Variants in NAV2 observed in about 807,000 individuals in gnomAD.
The protein encoded by NAV2 is helicase, APC down-regulated 1.
Under a neutral mutation model 223.2 loss-of-function variants are expected in NAV2, and 54 were observed. The observed-to-expected ratio is 0.24, with a 90% CI of 0.19 to 0.30. The LOEUF (loss-of-function observed/expected upper bound fraction) is 0.30. Ranked by LOEUF, NAV2 falls within the 10% of genes least tolerant of loss-of-function variation. The probability of loss-of-function intolerance (pLI) is 1.00; values close to 1 mark genes in which losing one functional copy is unlikely to be tolerated. For missense variants in NAV2, 2,806 were observed against 3,147.5 expected (o/e 0.89, Z 2.60); for synonymous variants, 1,279 against 1,239.3 (o/e 1.03, Z -0.67).
At chr11:19,726,247 C>T (rs187613348) in intron 1 of NAV2, among the ~76,000 whole-genome samples, 140 of 152,266 alleles carry the variant, frequency 9.2e-4, no homozygotes, top group Non-Finnish European at 1.8e-3. Flanking sequence ...GAAAGAGAGG[C>T]GTGTCAGACT....
intron 1 of NAV2, among the ~76,000 whole-genome samples, chr11:19,693,447 T>A (rs1347404010): frequency 6.6e-6 from 1 of 152,196 alleles, no homozygotes; most frequent in Non-Finnish European, 1.5e-5. Flanking sequence ...AAATGTACCA[T>A]AAATATACCA....
upstream of NAV2, among the ~76,000 whole-genome samples, chr11:19,709,617 T>C (rs2049800854): frequency 6.7e-6 from 1 of 149,634 alleles, no homozygotes; most frequent in East Asian, 2.0e-4. Context: ...GGTGGATCAC[T>C]TGAGGTCTGG....
intron 22 of NAV2, among the ~76,000 whole-genome samples, chr11:20,072,917 T>C (rs552028933): frequency 6.6e-6 from 1 of 152,312 alleles, no homozygotes; most frequent in East Asian, 1.9e-4. Context: ...CCCAATTGAA[T>C]ACCCTTTATT....
At chr11:20,059,644 C>T (rs537013073) in intron 19 of NAV2, among the ~76,000 whole-genome samples, 1 of 152,108 alleles carries the variant, frequency 6.6e-6, no homozygotes, top group Non-Finnish European at 1.5e-5. Context: ...AAAGGCAGAG[C>T]GATCTCCGGA....
intron 1 of NAV2, among the ~76,000 whole-genome samples, chr11:19,598,267 A>AG (rs1235777342): frequency 6.6e-6 from 1 of 152,206 alleles, no homozygotes; most frequent in African/African-American, 2.4e-5. Flanking sequence ...TGGGGGTGCC[A>AG]GGGGGTCCTC....
intron 1 of NAV2, among the ~76,000 whole-genome samples, chr11:19,624,094 A>T (rs1485394965): frequency 6.6e-6 from 1 of 152,198 alleles, no homozygotes; most frequent in Non-Finnish European, 1.5e-5. Flanking sequence ...GTATTGCAGA[A>T]TAACAAATGT....
chr11:20,103,574 G>A (rs775793047), intron 33 of NAV2, 79 bp from the exon 34 acceptor site: 81 of 1,517,690 alleles, frequency 5.3e-5, no homozygotes, highest in African/African-American at 8.2e-5. Context: ...GGAAGCACAG[G>A]GCCATGGGCC....
chr11:20,043,258 G>C (rs1386578861), intron 12 of NAV2, among the ~76,000 whole-genome samples: 2 of 152,144 alleles, frequency 1.3e-5, no homozygotes, highest in Non-Finnish European at 2.9e-5. Context: ...AGGGAAACGG[G>C]CCAGGAGACT....
chr11:19,395,475 C>T (rs1033970586), intron 1 of NAV2, among the ~76,000 whole-genome samples: 2 of 152,216 alleles, frequency 1.3e-5, no homozygotes, highest in African/African-American at 4.8e-5. Context: ...CACCATTGTA[C>T]AGGGCAGTAC....
At chr11:19,391,977 A>T (rs1359466188) in intron 1 of NAV2, among the ~76,000 whole-genome samples, 1 of 152,230 alleles carries the variant, frequency 6.6e-6, no homozygotes, top group African/African-American at 2.4e-5. Flanking sequence ...AAGCTAAAAA[A>T]TAAATAATGG....
At chr11:19,985,559 G>GTT (rs57206192) in intron 11 of NAV2, among the ~76,000 whole-genome samples, 2,939 of 125,540 alleles carry the variant, frequency 0.023, 94 homozygotes, top group African/African-American at 0.072. Context: ...AGTTTTTTTT[G>GTT]TTTTTTTGTT....
chr11:19,683,078 T>A (rs2048922194), intron 1 of NAV2, among the ~76,000 whole-genome samples: 1 of 152,222 alleles, frequency 6.6e-6, no homozygotes. Flanking sequence ...TTTCAGTGAC[T>A]GCTTTGGTTC....
chr11:19,350,785 G>T, exon 1 of NAV2: 1 of 650,244 alleles, frequency 1.5e-6, no homozygotes, highest in African/African-American at 1.8e-5. Flanking sequence ...TGAGGTTCCC[G>T]AGTGGATTTT....
intron 1 of NAV2, among the ~76,000 whole-genome samples, chr11:19,364,059 C>G (rs903803735): frequency 6.6e-6 from 1 of 152,148 alleles, no homozygotes; most frequent in African/African-American, 2.4e-5. Context: ...GCCCCTCTCC[C>G]CTCCCCAGAG....
At chr11:19,900,679 T>A (rs2042378927) in intron 6 of NAV2, among the ~76,000 whole-genome samples, 1 of 152,280 alleles carries the variant, frequency 6.6e-6, no homozygotes, top group Non-Finnish European at 1.5e-5. Flanking sequence ...CAATCAATTG[T>A]CATAGAACTC....
At chr11:20,008,416 T>C (rs1464559530) in intron 11 of NAV2, among the ~76,000 whole-genome samples, 2 of 152,198 alleles carry the variant, frequency 1.3e-5, no homozygotes, top group African/African-American at 4.8e-5. Flanking sequence ...CTGTCTTTTC[T>C]CTATCACTTT....
chr11:19,847,100 G>T (rs970804448), intron 3 of NAV2, among the ~76,000 whole-genome samples: 1 of 152,176 alleles, frequency 6.6e-6, no homozygotes, highest in African/African-American at 2.4e-5. Flanking sequence ...CTTTCAAGTG[G>T]TGTGTTCAGC....
chr11:19,404,159 C>T lies in NAV2; in HGVS notation c.75+53132C>T, dbSNP rs141121434. Among the ~76,000 whole-genome samples, 152 of 152,240 alleles carry T rather than the reference C, an allele frequency of 1.0e-3. 1 individual carries two copies. Among genetic ancestry groups the T allele is most frequent in the African/African-American group, 3.5e-3 (144 of 41,536 alleles). On this transcript the variant is annotated intron_variant, in intron 1 of 37. Transcript: ENST00000360655. ...AGGTTGGGAGCCCAATTGCTCGGGG[C>T]CCTGGCATAATCTTTGCCAAGGGAG...
intron 1 of NAV2, among the ~76,000 whole-genome samples, chr11:19,373,385 C>G (rs1027569006): frequency 6.6e-6 from 1 of 152,188 alleles, no homozygotes; most frequent in African/African-American, 2.4e-5. Flanking sequence ...TTCTCTTTCA[C>G]TCTCCCTTTG....
Sources: gnomAD v4.1 joint callset for allele counts (sites outside exome capture counted in the v4.1 genomes callset) on GRCh38, gnomAD v4.1.1 for gene constraint, MANE v1.5 for transcripts, NCBI Gene and HGNC (gene_info 2026-07-23, HGNC 2026-07-21) for gene names.